The following BAIAP2L1 variants were observed in gnomAD, a reference collection of about 807,000 sequenced individuals.
BAIAP2L1 encodes BAR/IMD domain containing adaptor protein 2 like 1.
BAIAP2L1 carries 35 observed loss-of-function variants against 66.3 expected under a neutral mutation model. The observed-to-expected ratio is 0.53, with a 90% CI of 0.40 to 0.70. The LOEUF (loss-of-function observed/expected upper bound fraction) is 0.70, where lower values mean the gene tolerates loss of function less well. BAIAP2L1 is among the 30% of genes least tolerant of loss of function. BAIAP2L1 has a pLI of 0.00. For synonymous variants in BAIAP2L1, 269 were observed against 248.7 expected (o/e 1.08, Z -0.77); for missense variants, 622 against 656.9 (o/e 0.95, Z 0.58).
intron 3 of BAIAP2L1, among the ~76,000 whole-genome samples, chr7:98,335,026 G>A (rs1801581866): frequency 6.6e-6 from 1 of 150,410 alleles, no homozygotes; most frequent in Non-Finnish European, 1.5e-5. Flanking sequence ...GGTGGCGGGT[G>A]CCTGTAGTCT....
intron 6 of BAIAP2L1, among the ~76,000 whole-genome samples, chr7:98,316,244 A>G (rs1801072555): frequency 6.6e-6 from 1 of 152,146 alleles, no homozygotes; most frequent in East Asian, 1.9e-4. Context: ...CTCCCCGGCC[A>G]TGTGGAACTG....
intron 2 of BAIAP2L1, among the ~76,000 whole-genome samples, chr7:98,356,694 G>A (rs1052920506): frequency 6.7e-6 from 1 of 149,302 alleles, no homozygotes; most frequent in African/African-American, 2.5e-5. Context: ...AAAATTGAAG[G>A]GGCTGGGTGC....
chr7:98,352,765 G>A (rs138786877), intron 3 of BAIAP2L1, among the ~76,000 whole-genome samples: 1 of 152,236 alleles, frequency 6.6e-6, no homozygotes, highest in Non-Finnish European at 1.5e-5. Context: ...TACCAACATC[G>A]TTGCTGTGGA....
chr7:98,340,168 T>A (rs1801707115), intron 3 of BAIAP2L1, among the ~76,000 whole-genome samples: 1 of 152,200 alleles, frequency 6.6e-6, no homozygotes, highest in Middle Eastern at 3.2e-3. Context: ...AAAGTTACAA[T>A]GAAAAACAGG....
intron 3 of BAIAP2L1, among the ~76,000 whole-genome samples, chr7:98,338,788 T>C (rs1220742331): frequency 1.3e-5 from 2 of 152,120 alleles, no homozygotes; most frequent in African/African-American, 2.4e-5. Context: ...CAAGACTATG[T>C]GTGGGTCAGG....
rs530613576 is a variant in BAIAP2L1, at chr7:98,365,507, G to A, written c.52-3075C>T. 7.9e-5 allele frequency among the ~76,000 whole-genome samples: 12 copies of A among 152,210 alleles called. No homozygotes were observed. In the South Asian group the frequency reaches 1.5e-3, roughly 18 times the overall value. On this transcript the variant is annotated intron_variant, in intron 1 of 13. Coordinates refer to ENST00000005260, the MANE Select transcript of BAIAP2L1 (RefSeq NM_018842.5). ...GGTTTTTGAGATGGAGTTTCACTCC[G>A]TTGCCCAGGATGGAGTGCAGTGGTG...
intron 3 of BAIAP2L1, among the ~76,000 whole-genome samples, chr7:98,327,152 G>C (rs1801395029): frequency 1.3e-5 from 2 of 152,138 alleles, no homozygotes; most frequent in Non-Finnish European, 2.9e-5. Flanking sequence ...CCTGAGGTCA[G>C]GAGTTTGAGA....
intron 1 of BAIAP2L1, among the ~76,000 whole-genome samples, chr7:98,390,266 A>T (rs1364926478): frequency 6.6e-6 from 1 of 152,012 alleles, no homozygotes; most frequent in African/African-American, 2.4e-5. Context: ...ATCAAGACAG[A>T]AATCATAAGA....
At chr7:98,380,749 T>C (rs970896207) in intron 1 of BAIAP2L1, among the ~76,000 whole-genome samples, 5 of 149,190 alleles carry the variant, frequency 3.4e-5, no homozygotes, top group African/African-American at 1.2e-4. Flanking sequence ...TTTTTTTTTT[T>C]TTTAATAAAA....
At chr7:98,393,095 ATACGTG>A (rs1803097213) in intron 1 of BAIAP2L1, among the ~76,000 whole-genome samples, 1 of 108,684 alleles carries the variant, frequency 9.2e-6, no homozygotes, top group Non-Finnish European at 1.8e-5. Flanking sequence ...ATATACATAT[ATACGTG>A]TACATATATG....
intron 3 of BAIAP2L1, among the ~76,000 whole-genome samples, chr7:98,320,559 C>T (rs1266055107): frequency 6.6e-6 from 1 of 152,204 alleles, no homozygotes; most frequent in Non-Finnish European, 1.5e-5. Flanking sequence ...TGGTCTTGAA[C>T]TCCTAACCTC....
chr7:98,336,813 G>C (rs1426791028), intron 3 of BAIAP2L1, among the ~76,000 whole-genome samples: 1 of 152,144 alleles, frequency 6.6e-6, no homozygotes, highest in East Asian at 1.9e-4. Flanking sequence ...GGAGAGACTG[G>C]AAAGGCCTAA....
chr7:98,306,008 C>A (rs2116850810), intron 11 of BAIAP2L1, among the ~76,000 whole-genome samples: 1 of 152,130 alleles, frequency 6.6e-6, no homozygotes, highest in South Asian at 2.1e-4. Flanking sequence ...AAGAGGGGTG[C>A]AAAGAGCTGG....
intron 3 of BAIAP2L1, among the ~76,000 whole-genome samples, chr7:98,331,918 T>C (rs1016451047): frequency 6.6e-6 from 1 of 152,170 alleles, no homozygotes; most frequent in Non-Finnish European, 1.5e-5. Flanking sequence ...TTCACCAACA[T>C]AGAATTCTTC....
At chr7:98,345,846 G>A (rs1262343049) in intron 3 of BAIAP2L1, among the ~76,000 whole-genome samples, 1 of 152,020 alleles carries the variant, frequency 6.6e-6, no homozygotes, top group East Asian at 1.9e-4. Flanking sequence ...AGGGAGATGT[G>A]AACGAAAGCC....
chr7:98,371,089 G>T (rs1476998333), intron 1 of BAIAP2L1, among the ~76,000 whole-genome samples: 1 of 152,094 alleles, frequency 6.6e-6, no homozygotes, highest in African/African-American at 2.4e-5. Flanking sequence ...CAGGAGTAAT[G>T]AACAAATCCA....
At chr7:98,393,777 G>A (rs375150658) in intron 1 of BAIAP2L1, among the ~76,000 whole-genome samples, 4 of 146,818 alleles carry the variant, frequency 2.7e-5, no homozygotes, top group South Asian at 2.4e-4. Context: ...GAGCCACCGC[G>A]CCTGGTTTAT....
chr7:98,315,626 A>G lies in BAIAP2L1; in HGVS notation c.487-14T>C. ...GGTCTCCACATACTAAAAAAAAAAAAATAATAATAATAATAATTATATAAG... is the reference window on the plus strand; with the variant it reads ...GGTCTCCACATACTAAAAAAAAAAAGATAATAATAATAATAATTATATAAG... On this transcript the variant is annotated splice_polypyrimidine_tract_variant and intron_variant, in intron 6 of 13. Transcript: ENST00000005260. 1 of 1,077,250 alleles carries G rather than the reference A, an allele frequency of 9.3e-7. No individual in the cohort carries two copies. Among genetic ancestry groups the G allele is most frequent in the African/African-American group, 1.9e-5 (1 of 53,280 alleles). The allele number at this position is 1,077,250 out of a possible 1,614,324, so 66.7% of individuals were successfully genotyped here.
At chr7:98,352,430 T>A (rs1281674675) in intron 3 of BAIAP2L1, among the ~76,000 whole-genome samples, 2 of 152,068 alleles carry the variant, frequency 1.3e-5, no homozygotes, top group Non-Finnish European at 2.9e-5. Context: ...TCACCCGAGG[T>A]CAGGAGTTTG....
Sources: allele counts gnomAD v4.1 joint callset (sites outside exome capture counted in the v4.1 genomes callset), GRCh38; gene constraint gnomAD v4.1.1; transcripts MANE v1.5; gene names NCBI Gene and HGNC (gene_info 2026-07-23, HGNC 2026-07-21).